RGP1: variants seen among roughly 807,000 people sequenced by gnomAD.
RGP1 encodes RGP1 partner of RAB6A GEF complex.
Under a neutral mutation model 44.5 loss-of-function variants are expected in RGP1, and 28 were observed. The ratio of observed to expected loss-of-function variants is 0.63; its 90% CI spans 0.47 to 0.86. The LOEUF is 0.86. Ranked by LOEUF, RGP1 falls within the 40% of genes least tolerant of loss-of-function variation. The probability of loss-of-function intolerance (pLI) is 0.00; values close to 1 mark genes in which losing one functional copy is unlikely to be tolerated. For synonymous variants in RGP1, 212 were observed against 196.7 expected (o/e 1.08, Z -0.65); for missense variants, 417 against 490.7 (o/e 0.85, Z 1.42).
chr9:35,751,511 C>T (rs555989587), intron 6 of RGP1, 99 bp downstream of exon 6: 2 of 1,595,966 alleles, frequency 1.3e-6, no homozygotes, highest in African/African-American at 1.3e-5. Context: ...TGTGGATCCA[C>T]TGATACCTGA....
chr9:35,777,127 CTTTTTTTTTTTT>C, the RGP1 span, among the ~76,000 whole-genome samples: 3 of 82,312 alleles, frequency 3.6e-5, no homozygotes, highest in Non-Finnish European at 6.6e-5. Flanking sequence ...AGGTGTTTTT[CTTTTTTTTTTTT>C]TTTTTTTTGA....
the RGP1 span, chr9:35,790,256 A>C: frequency 1.3e-5 from 2 of 153,290 alleles, no homozygotes; most frequent in Admixed American, 1.3e-4. Flanking sequence ...TTCCATCTCT[A>C]CTGGGCTTGA....
chr9:35,777,434 C>T, the RGP1 span, among the ~76,000 whole-genome samples: 1 of 125,420 alleles, frequency 8.0e-6, no homozygotes, highest in Non-Finnish European at 1.6e-5. Flanking sequence ...AGGCCTAAAT[C>T]ATGTTTTGTG....
chr9:35,763,228 T>C (rs146485541), downstream of RGP1, among the ~76,000 whole-genome samples: 1 of 152,360 alleles, frequency 6.6e-6, no homozygotes, highest in Non-Finnish European at 1.5e-5. Context: ...GTCCTGAGAT[T>C]TCCCTGTTTA....
At chr9:35,775,992 GTTAGC>G in the RGP1 span, among the ~76,000 whole-genome samples, 34 of 152,116 alleles carry the variant, frequency 2.2e-4, no homozygotes, top group Non-Finnish European at 4.6e-4. Flanking sequence ...CCTCTAACAG[GTTAGC>G]TTAAGGCCTA....
the RGP1 span, among the ~76,000 whole-genome samples, chr9:35,778,717 C>T: frequency 3.3e-4 from 51 of 152,272 alleles, no homozygotes; most frequent in African/African-American, 1.2e-3. Context: ...AATGCACATT[C>T]GCCTTCCTGT....
At chr9:35,751,596 C>T in intron 6 of RGP1, 31 bp from the exon 7 acceptor site, 1 of 1,613,794 alleles carries the variant, frequency 6.2e-7, no homozygotes, top group Non-Finnish European at 8.5e-7. Flanking sequence ...AGTATGTAGA[C>T]TCCAGGCTTA....
the RGP1 span, among the ~76,000 whole-genome samples, chr9:35,766,977 A>C: frequency 2.0e-5 from 3 of 152,228 alleles, no homozygotes; most frequent in East Asian, 5.8e-4. Context: ...TTGTATATAC[A>C]GTAAAGTCAA....
downstream of RGP1, among the ~76,000 whole-genome samples, chr9:35,761,237 T>G (rs564603290): frequency 6.6e-6 from 1 of 152,248 alleles, no homozygotes. Context: ...ATTTATTATG[T>G]TATTTATGCC....
At chr9:35,782,914 T>G in the RGP1 span, among the ~76,000 whole-genome samples, 1 of 151,176 alleles carries the variant, frequency 6.6e-6, no homozygotes, top group African/African-American at 2.4e-5. Flanking sequence ...GTTCAAGCGA[T>G]TCTCGTGTCT....
At chr9:35,784,536 G>A in the RGP1 span, among the ~76,000 whole-genome samples, 2 of 152,068 alleles carry the variant, frequency 1.3e-5, no homozygotes, top group South Asian at 4.1e-4. Context: ...TGCAACCTCC[G>A]CCTCTTGGGT....
Position 35,750,895 on chromosome 9 carries a change from A to G in RGP1, c.393A>G (p.Ser131=). The G allele has an allele frequency of 1.2e-6, 2 of 1,614,024 alleles. No individual in the cohort carries two copies. The highest frequency in any genetic ancestry group is 1.7e-6 in the Non-Finnish European group (2 of 1,179,876). ...GACCACCCTCCTTTCGGGGTCAGTCAGTCAAGTACGTCTACAAACTGACCA... is the reference window on the plus strand; with the variant it reads ...GACCACCCTCCTTTCGGGGTCAGTCGGTCAAGTACGTCTACAAACTGACCA... ...IEGPPSFRGQ[S]VKYVYKLTIG... Residue 131 remains serine, a synonymous_variant, in exon 5 of 9, where the codon TCA becomes TCG. Transcript: ENST00000378078.
the RGP1 span, among the ~76,000 whole-genome samples, chr9:35,770,822 C>A: frequency 6.6e-6 from 1 of 152,168 alleles, no homozygotes; most frequent in African/African-American, 2.4e-5. Flanking sequence ...TCCCAGCCTC[C>A]GCTAAGCATC....
the RGP1 span, among the ~76,000 whole-genome samples, chr9:35,784,699 A>C: frequency 6.6e-6 from 1 of 151,970 alleles, no homozygotes; most frequent in African/African-American, 2.4e-5. Context: ...TGAACTCCTG[A>C]TCTCGTGATC....
chr9:35,778,035 C>T, the RGP1 span, among the ~76,000 whole-genome samples: 1 of 152,204 alleles, frequency 6.6e-6, no homozygotes, highest in Non-Finnish European at 1.5e-5. Flanking sequence ...CGCGGTGGCT[C>T]ATGCCTGTAA....
At chr9:35,786,728 C>A in the RGP1 span, 5 of 152,132 alleles carry the variant, frequency 3.3e-5, no homozygotes, top group African/African-American at 1.2e-4. Context: ...ATATTTCTGG[C>A]CCTTAGAATA....
At chr9:35,782,550 G>T in the RGP1 span, among the ~76,000 whole-genome samples, 1 of 152,176 alleles carries the variant, frequency 6.6e-6, no homozygotes, top group African/African-American at 2.4e-5. Context: ...GGAATCAAAT[G>T]ATTCTCCTGC....
chr9:35,769,348 C>T, the RGP1 span, among the ~76,000 whole-genome samples: 2 of 152,206 alleles, frequency 1.3e-5, no homozygotes, highest in African/African-American at 4.8e-5. Flanking sequence ...CCCTGAGGAG[C>T]TCAACCCACC....
downstream of RGP1, among the ~76,000 whole-genome samples, chr9:35,760,058 TG>T (rs1227657929): frequency 6.6e-6 from 1 of 152,196 alleles, no homozygotes; most frequent in Non-Finnish European, 1.5e-5. Context: ...ATCCCTTTTT[TG>T]GTTCACCCTT....
Sources: gnomAD v4.1 joint callset for allele counts (sites outside exome capture counted in the v4.1 genomes callset) on GRCh38, gnomAD v4.1.1 for gene constraint, MANE v1.5 for transcripts, NCBI Gene and HGNC (gene_info 2026-07-23, HGNC 2026-07-21) for gene names.